The following MTRF1 variants were observed in gnomAD, a reference collection of about 807,000 sequenced individuals.
The protein encoded by MTRF1 is mitochondrial translation release factor 1.
In MTRF1, 51 loss-of-function variants were observed where a neutral mutation model predicts 62.9. The observed-to-expected ratio is 0.81, with a 90% CI of 0.65 to 1.02. MTRF1 has a LOEUF of 1.02. MTRF1 is among the 50% of genes least tolerant of loss of function. The pLI, the probability that MTRF1 is intolerant of heterozygous loss-of-function variation, is 0.00. For synonymous variants in MTRF1, 158 were observed against 181.9 expected (o/e 0.87, Z 1.06); for missense variants, 446 against 530.0 (o/e 0.84, Z 1.56).
the MTRF1 span, among the ~76,000 whole-genome samples, chr13:41,274,781 A>G: frequency 2.0e-5 from 3 of 151,954 alleles, no homozygotes; most frequent in Non-Finnish European, 2.9e-5. Context: ...GATTACAGGC[A>G]CGCTCCACCA....
At chr13:41,233,555 C>T (rs1173048217) in intron 7 of MTRF1, among the ~76,000 whole-genome samples, 1 of 152,132 alleles carries the variant, frequency 6.6e-6, no homozygotes, top group Admixed American at 6.5e-5. Flanking sequence ...AGCTGTCATG[C>T]TACAAGGTGA....
intron 7 of MTRF1, among the ~76,000 whole-genome samples, chr13:41,232,350 G>A (rs2035747372): frequency 6.6e-6 from 1 of 152,078 alleles, no homozygotes; most frequent in South Asian, 2.1e-4. Flanking sequence ...CAGACAATAT[G>A]AGGAAAAAAC....
chr13:41,273,086 GGAGGCC>G, the MTRF1 span, among the ~76,000 whole-genome samples: 1 of 152,084 alleles, frequency 6.6e-6, no homozygotes, highest in Non-Finnish European at 1.5e-5. Context: ...CAGGACTTTG[GGAGGCC>G]GAGGCGGGTG....
intron 5 of MTRF1, among the ~76,000 whole-genome samples, chr13:41,251,744 A>G (rs1200736034): frequency 6.6e-6 from 1 of 152,218 alleles, no homozygotes; most frequent in Non-Finnish European, 1.5e-5. Context: ...GTCTACTACA[A>G]TGTATCACTG....
At position 41,216,931 on chromosome 13, in the gene MTRF1, G is replaced by A; in HGVS notation, c.*184C>T. 3 of 406,174 alleles carry A rather than the reference G, an allele frequency of 7.4e-6. No homozygotes were observed. Among genetic ancestry groups the A allele is most frequent in the Non-Finnish European group, 1.3e-5 (3 of 229,572 alleles). 25.2% of individuals were successfully genotyped at this position (406,174 alleles called of 1,614,324 possible). ...TGATGAGTTGGATTGTACTTTACAGGAAACCTAAAATAAATTCTTAGGTCA... is the reference window on the plus strand; with the variant it reads ...TGATGAGTTGGATTGTACTTTACAGAAAACCTAAAATAAATTCTTAGGTCA... On this transcript the variant is annotated 3_prime_UTR_variant, in exon 10 of 10. Transcript: ENST00000379480.
chr13:41,217,112 T>C lies in MTRF1; in HGVS notation c.*3A>G, dbSNP rs73473127. ...ATAATCATAAATAATAATAAGTTAG[T>C]ATTTATTTTGCTGATTTAAGGTGTT... is the stretch of plus-strand genomic sequence containing the variant. On this transcript the variant is annotated 3_prime_UTR_variant, in exon 10 of 10. Coordinates refer to ENST00000379480, the MANE Select transcript of MTRF1 (RefSeq NM_004294.4). 4.9e-3 allele frequency: 7,539 copies of C among 1,525,090 alleles called. 322 individuals are homozygous for C. In the African/African-American group the frequency reaches 0.09, roughly 18 times the overall value. 94.5% of individuals were successfully genotyped at this position (1,525,090 alleles called of 1,614,324 possible). A position where few individuals can be genotyped will look rare whatever the true frequency, so the allele number is the denominator to read the frequency against.
the MTRF1 span, among the ~76,000 whole-genome samples, chr13:41,302,181 C>T: frequency 6.6e-6 from 1 of 152,046 alleles, no homozygotes; most frequent in African/African-American, 2.4e-5. Context: ...TACCCACCAC[C>T]ACCATGTCTG....
At chr13:41,249,116 T>C (rs2038681132) in intron 5 of MTRF1, among the ~76,000 whole-genome samples, 1 of 152,208 alleles carries the variant, frequency 6.6e-6, no homozygotes, top group Non-Finnish European at 1.5e-5. Flanking sequence ...TTCCTCTCCA[T>C]TTCAATTAAA....
At chr13:41,230,948 C>T (rs572814252) in intron 7 of MTRF1, among the ~76,000 whole-genome samples, 89 of 151,948 alleles carry the variant, frequency 5.9e-4, no homozygotes, top group African/African-American at 2.0e-3. Flanking sequence ...TAGTCTCAAA[C>T]TCCTGACCCT....
chr13:41,242,234 C>T (rs553762052), intron 5 of MTRF1, among the ~76,000 whole-genome samples: 3 of 152,150 alleles, frequency 2.0e-5, no homozygotes, highest in Middle Eastern at 3.4e-3. Flanking sequence ...ACATCTAGCA[C>T]GTTTAAATCA....
At chr13:41,302,462 T>C in the MTRF1 span, among the ~76,000 whole-genome samples, 1 of 152,110 alleles carries the variant, frequency 6.6e-6, no homozygotes, top group African/African-American at 2.4e-5. Context: ...CGTGGCTATA[T>C]TTGGGGAATC....
chr13:41,311,623 G>T, the MTRF1 span: 1 of 1,578,706 alleles, frequency 6.3e-7, no homozygotes, highest in Admixed American at 1.8e-5. Flanking sequence ...CCGGTCCCCG[G>T]GTCCTCGGGC....
At position 41,260,582 on chromosome 13, in the gene MTRF1, C is replaced by T; in HGVS notation, c.326G>A (p.Arg109Lys). 2 of 1,614,156 alleles carry T rather than the reference C, an allele frequency of 1.2e-6. No homozygotes were observed. The highest frequency in any genetic ancestry group is 1.7e-6 in the Non-Finnish European group (2 of 1,180,022). ...TGCAAGAGGTGCCAACTCAGCATGCCTTCTGTTCAAGGACCTTCGGTTTTC... is the reference window on the plus strand; with the variant it reads ...TGCAAGAGGTGCCAACTCAGCATGCTTTCTGTTCAAGGACCTTCGGTTTTC... ...NEENRRSLNR[R>K]HAELAPLAAI... Residue 109 changes from arginine to lysine, a missense_variant, in exon 2 of 10, where the codon AGG becomes AAG. Coordinates refer to ENST00000379480, the MANE Select transcript of MTRF1 (RefSeq NM_004294.4).
At chr13:41,295,600 T>C in the MTRF1 span, among the ~76,000 whole-genome samples, 1 of 152,138 alleles carries the variant, frequency 6.6e-6, no homozygotes, top group East Asian at 1.9e-4. Context: ...AGATAATCCT[T>C]GTGTTGTCTT....
the MTRF1 span, among the ~76,000 whole-genome samples, chr13:41,282,380 C>T: frequency 2.0e-5 from 3 of 151,528 alleles, no homozygotes; most frequent in Non-Finnish European, 4.4e-5. Context: ...TTGCTTGAGC[C>T]TGGTAGATTG....
the MTRF1 span, among the ~76,000 whole-genome samples, chr13:41,306,791 G>A: frequency 2.0e-5 from 3 of 152,212 alleles, no homozygotes; most frequent in African/African-American, 7.2e-5. Flanking sequence ...GCATCTGGGT[G>A]GATGTCCATG....
chr13:41,305,712 G>T, the MTRF1 span, among the ~76,000 whole-genome samples: 1 of 152,132 alleles, frequency 6.6e-6, no homozygotes, highest in African/African-American at 2.4e-5. Context: ...CCCCCACCAG[G>T]ATCTCCCAGC....
At chr13:41,287,380 A>G in the MTRF1 span, among the ~76,000 whole-genome samples, 2 of 152,234 alleles carry the variant, frequency 1.3e-5, no homozygotes, top group East Asian at 3.8e-4. Flanking sequence ...GCGAGAGCTC[A>G]CTTATCACTA....
At chr13:41,311,770 C>T in the MTRF1 span, among the ~76,000 whole-genome samples, 3 of 152,230 alleles carry the variant, frequency 2.0e-5, no homozygotes, top group African/African-American at 7.2e-5. Flanking sequence ...CCGAGCCGCT[C>T]CTCCGTGCGC....
Sources: gnomAD v4.1 joint callset for allele counts (sites outside exome capture counted in the v4.1 genomes callset) on GRCh38, gnomAD v4.1.1 for gene constraint, MANE v1.5 for transcripts, NCBI Gene and HGNC (gene_info 2026-07-23, HGNC 2026-07-21) for gene names.